The following IBTK variants were observed in gnomAD, a reference collection of about 807,000 sequenced individuals.
IBTK encodes BTK-binding protein.
A neutral mutation model predicts 154.9 loss-of-function variants in IBTK; 83 were observed. That is an observed-to-expected ratio of 0.54 (90% CI 0.45 to 0.64). IBTK has a LOEUF of 0.64. IBTK is among the 30% of genes least tolerant of loss of function. The pLI is 0.00. For synonymous variants in IBTK, 515 were observed against 536.1 expected (o/e 0.96, Z 0.54); for missense variants, 1,332 against 1,584.6 (o/e 0.84, Z 2.71).
intron 9 of IBTK, 66 bp downstream of exon 9, chr6:82,220,524 G>C: frequency 6.2e-6 from 9 of 1,454,184 alleles, no homozygotes; most frequent in Non-Finnish European, 8.3e-6. Context: ...ACATTTTCAT[G>C]TTACCAGGTC....
intron 21 of IBTK, among the ~76,000 whole-genome samples, chr6:82,199,265 A>C (rs1481272323): frequency 1.3e-5 from 2 of 151,912 alleles, no homozygotes; most frequent in East Asian, 3.9e-4. Context: ...GTGTGTGTGT[A>C]ACACATGGAG....
chr6:82,216,780 T>A (rs1769891843), intron 10 of IBTK, among the ~76,000 whole-genome samples: 1 of 152,124 alleles, frequency 6.6e-6, no homozygotes, highest in Non-Finnish European at 1.5e-5. Context: ...AAGACAGACA[T>A]GTGCCTGCTC....
At chr6:82,171,623 C>A in intron 28 of IBTK, 67 bp from the exon 29 acceptor site, 1 of 1,382,220 alleles carries the variant, frequency 7.2e-7, no homozygotes, top group Non-Finnish European at 1.0e-6. Context: ...ATGTATTTGC[C>A]TTCCAATTTC....
At chr6:82,176,280 T>C (rs936369063) in intron 26 of IBTK, among the ~76,000 whole-genome samples, 1 of 151,834 alleles carries the variant, frequency 6.6e-6, no homozygotes, top group African/African-American at 2.4e-5. Context: ...TCCCAGCACT[T>C]TGGGAGGCTG....
At chr6:82,216,344 ATATG>A in intron 10 of IBTK, 94 bp from the exon 11 acceptor site, 3 of 798,652 alleles carry the variant, frequency 3.8e-6, no homozygotes, top group Non-Finnish European at 3.9e-6. Context: ...AGTTAGAAAA[ATATG>A]GAAATCTTTT....
At chr6:82,218,403 C>T (rs1377408468) in intron 9 of IBTK, among the ~76,000 whole-genome samples, 1 of 152,076 alleles carries the variant, frequency 6.6e-6, no homozygotes, top group East Asian at 1.9e-4. Flanking sequence ...TAGCAATTTC[C>T]AGTATTACCT....
intron 16 of IBTK, among the ~76,000 whole-genome samples, chr6:82,208,749 TA>T (rs981498808): frequency 6.6e-6 from 1 of 150,680 alleles, no homozygotes; most frequent in Non-Finnish European, 1.5e-5. Flanking sequence ...GTCTCAAAAA[TA>T]AAAAAAAATT....
At chr6:82,235,511 T>C (rs192359088) in intron 2 of IBTK, among the ~76,000 whole-genome samples, 4 of 152,136 alleles carry the variant, frequency 2.6e-5, no homozygotes, top group Admixed American at 2.6e-4. Flanking sequence ...GAAGAATCAC[T>C]TGAACCCGGG....
intron 28 of IBTK, 81 bp from the exon 29 acceptor site, chr6:82,171,637 T>C (rs556109702): frequency 8.2e-7 from 1 of 1,219,234 alleles, no homozygotes; most frequent in South Asian, 1.3e-5. Flanking sequence ...CAATTTCCTT[T>C]TGAGGAACTA....
intron 27 of IBTK, chr6:82,172,726 C>T (rs550008739): frequency 2.8e-4 from 135 of 477,640 alleles, no homozygotes; most frequent in African/African-American, 2.6e-3. Flanking sequence ...TTTAGCAATG[C>T]TACAATTTTT....
chr6:82,245,543 C>A (rs920145356), intron 1 of IBTK, among the ~76,000 whole-genome samples: 1 of 151,234 alleles, frequency 6.6e-6, no homozygotes, highest in Non-Finnish European at 1.5e-5. Flanking sequence ...AGCGACTGAG[C>A]GAGACTCCTT....
chr6:82,193,508 C>G (rs2127804109), intron 23 of IBTK, among the ~76,000 whole-genome samples: 1 of 152,150 alleles, frequency 6.6e-6, no homozygotes, highest in Admixed American at 6.5e-5. Context: ...AATCTTTGTT[C>G]CAACTCTGCA....
intron 21 of IBTK, among the ~76,000 whole-genome samples, chr6:82,197,371 G>T (rs1327335237): frequency 3.1e-5 from 3 of 97,032 alleles, no homozygotes; most frequent in African/African-American, 4.0e-5. Context: ...CAATCTTTTT[G>T]AATTTTTTTT....
At chr6:82,182,975 A>G (rs1053627805) in intron 25 of IBTK, among the ~76,000 whole-genome samples, 16 of 152,206 alleles carry the variant, frequency 1.1e-4, no homozygotes, top group African/African-American at 3.6e-4. Flanking sequence ...ATCCTGAGTC[A>G]GAGGCATTCA....
chr6:82,209,145 T>C lies in IBTK; in HGVS notation c.2509+1669A>G, dbSNP rs868061948. Among the ~76,000 whole-genome samples the C allele has an allele frequency of 1.2e-4, 19 of 152,342 alleles. No individual in the cohort carries two copies. In the Middle Eastern group the frequency reaches 0.014, roughly 109 times the overall value. ...TCACACTGTTAGTGGTTAAGTTAAA[T>C]GGTACAGCTAGCCACTGTGCAGTTC... On this transcript the variant is annotated intron_variant, in intron 16 of 28. Transcript: ENST00000306270.
chr6:82,230,905 T>C (rs192038863), intron 4 of IBTK, among the ~76,000 whole-genome samples: 1 of 152,258 alleles, frequency 6.6e-6, no homozygotes, highest in Non-Finnish European at 1.5e-5. Flanking sequence ...AATTTTACAA[T>C]TACTTACATT....
chr6:82,197,258 A>C (rs1490678570), intron 21 of IBTK, among the ~76,000 whole-genome samples: 1 of 152,072 alleles, frequency 6.6e-6, no homozygotes, highest in African/African-American at 2.4e-5. Context: ...ACCATCTCTT[A>C]TACATTGTTC....
At chr6:82,244,350 A>G (rs1771064991) in intron 1 of IBTK, among the ~76,000 whole-genome samples, 1 of 152,068 alleles carries the variant, frequency 6.6e-6, no homozygotes, top group African/African-American at 2.4e-5. Context: ...ATTACCAAAC[A>G]CTTTTAGATA....
chr6:82,205,012 G>GA (rs878894971), intron 16 of IBTK, 54 bp from the exon 17 acceptor site: 146 of 1,105,910 alleles, frequency 1.3e-4, no homozygotes, highest in South Asian at 3.5e-4. Flanking sequence ...ATTATACCTA[G>GA]AAAAAAAAAT....
Sources: gnomAD v4.1 joint callset for allele counts (sites outside exome capture counted in the v4.1 genomes callset) on GRCh38, gnomAD v4.1.1 for gene constraint, MANE v1.5 for transcripts, NCBI Gene and HGNC (gene_info 2026-07-23, HGNC 2026-07-21) for gene names.